Variants in PHIP observed in about 807,000 individuals in gnomAD.
PHIP encodes the protein PH-interacting protein.
A neutral mutation model predicts 236.8 loss-of-function variants in PHIP; 54 were observed. That is an observed-to-expected ratio of 0.23 (90% CI 0.18 to 0.29). PHIP has a LOEUF of 0.29. Among genes scored for constraint, PHIP ranks in the 10% least tolerant of loss-of-function variants. The pLI, the probability that PHIP is intolerant of heterozygous loss-of-function variation, is 1.00. For missense variants in PHIP, 1,370 were observed against 2,190.8 expected, an observed-to-expected ratio of 0.63 and a Z score of 7.48; for synonymous variants, 756 against 718.9, an observed-to-expected ratio of 1.05 and a Z score of -0.83.
intron 6 of PHIP, among the ~76,000 whole-genome samples, chr6:79,059,527 T>C (rs969394238): frequency 6.7e-6 from 1 of 148,426 alleles, no homozygotes; most frequent in Non-Finnish European, 1.5e-5. Context: ...ATTGTATTTT[T>C]AAAAGCCACT....
Position 79,003,717 on chromosome 6 carries a change from C to A in PHIP, c.1653+13G>T. ...AAAAAATAAGGACATGATATATAGT[C>A]ATCATACTCTACCTTGTCATATTTG... On this transcript the variant is annotated intron_variant, in intron 16 of 39. Coordinates refer to ENST00000275034, the MANE Select transcript of PHIP (RefSeq NM_017934.7). 1 of 1,586,512 alleles carries A rather than the reference C, an allele frequency of 6.3e-7. No homozygotes were observed. The highest frequency in any genetic ancestry group is 1.2e-5 in the South Asian group (1 of 86,186).
At position 78,991,852 on chromosome 6, in the gene PHIP, A is replaced by G. The variant is rs557713830; in HGVS notation, c.2202-867T>C. ...GCTTGGATTTAATTTTTTTGTTCTTAATTTTTTTTTTTTAAATTAAACTTT... is the reference window on the plus strand; with the variant it reads ...GCTTGGATTTAATTTTTTTGTTCTTGATTTTTTTTTTTTAAATTAAACTTT... On this transcript the variant is annotated intron_variant, in intron 19 of 39. Coordinates refer to ENST00000275034, the MANE Select transcript of PHIP (RefSeq NM_017934.7). Among the ~76,000 whole-genome samples, 7 of 148,746 alleles carry G rather than the reference A, an allele frequency of 4.7e-5. No individual in the cohort carries two copies. In the South Asian group the frequency reaches 1.5e-3, roughly 31 times the overall value.
In PHIP at chr6:79,014,707, C is replaced by CCAT. The variant is rs537050780; in HGVS notation, c.1524+374_1524+375insATG. On this transcript the variant is annotated intron_variant, in intron 15 of 39. Coordinates refer to ENST00000275034, the MANE Select transcript of PHIP (RefSeq NM_017934.7). Reference sequence around the variant, plus strand: ...AAAATCAGTGTACTTGAGTAAAATTCTATTGTGCTAGAAGACTATTAAACA... The same window carrying CCAT: ...AAAATCAGTGTACTTGAGTAAAATTCCATTATTGTGCTAGAAGACTATTAAACA... Among the ~76,000 whole-genome samples the CCAT allele has an allele frequency of 6.3e-4, 95 of 151,824 alleles. 1 individual carries two copies. In the South Asian group the frequency reaches 8.1e-3, roughly 13 times the overall value.
chr6:79,063,523 T>C (rs926924361), intron 4 of PHIP, among the ~76,000 whole-genome samples: 1 of 152,122 alleles, frequency 6.6e-6, no homozygotes, highest in Non-Finnish European at 1.5e-5. Flanking sequence ...TTCAAGTGAT[T>C]CTCCTGCCTC....
intron 9 of PHIP, among the ~76,000 whole-genome samples, chr6:79,023,600 T>C (rs1301067802): frequency 6.6e-6 from 1 of 151,918 alleles, no homozygotes; most frequent in Non-Finnish European, 1.5e-5. Context: ...TAAATATCTA[T>C]GGTAAAATAT....
chr6:79,008,921 T>C (rs970490177), intron 15 of PHIP, among the ~76,000 whole-genome samples: 1 of 152,192 alleles, frequency 6.6e-6, no homozygotes, highest in Non-Finnish European at 1.5e-5. Flanking sequence ...TAAACCCATT[T>C]ATTAAATCTT....
chr6:78,962,330 A>G (rs970120060), intron 30 of PHIP, among the ~76,000 whole-genome samples: 15 of 152,196 alleles, frequency 9.9e-5, no homozygotes, highest in South Asian at 2.1e-4. Flanking sequence ...AGCAAAAACT[A>G]TAACTAGTTA....
chr6:78,990,705 T>G (rs1769183916), intron 20 of PHIP, among the ~76,000 whole-genome samples, 163 bp downstream of exon 20: 1 of 152,154 alleles, frequency 6.6e-6, no homozygotes, highest in South Asian at 2.1e-4. Flanking sequence ...AATTAAAAAT[T>G]TTAAATAGTA....
chr6:79,008,991 T>C (rs1299620441), intron 15 of PHIP, among the ~76,000 whole-genome samples: 2 of 152,130 alleles, frequency 1.3e-5, no homozygotes, highest in Non-Finnish European at 2.9e-5. Flanking sequence ...AAGTCATTTA[T>C]GTATTTTTTT....
chr6:78,949,393 C>T (rs1351069248), intron 35 of PHIP, among the ~76,000 whole-genome samples: 10 of 152,112 alleles, frequency 6.6e-5, no homozygotes, highest in Admixed American at 5.2e-4. Flanking sequence ...AAGCCACAAT[C>T]AGCTCCTTTT....
chr6:78,946,619 G>A, intron 37 of PHIP, 92 bp downstream of exon 37: 1 of 1,453,290 alleles, frequency 6.9e-7, no homozygotes, highest in East Asian at 2.5e-5. Context: ...TGCAATATAG[G>A]GAATAGTAAA....
At position 78,954,894 on chromosome 6, in the gene PHIP, A is replaced by G; in HGVS notation, c.3973T>C (p.Cys1325Arg). Residue 1325 changes from cysteine to arginine, a missense_variant, in exon 35 of 40, where the codon TGT (cysteine) becomes CGT (arginine). Coordinates refer to ENST00000275034, the MANE Select transcript of PHIP (RefSeq NM_017934.7). ...SYDIQAWKKQ[C>R]EELLNLIFQC... Reference sequence around the variant, plus strand: ...AATATGAGATTTAACAATTCTTCACACTGTTTCTTCCATGCTTGAATATCG... The same window carrying G: ...AATATGAGATTTAACAATTCTTCACGCTGTTTCTTCCATGCTTGAATATCG... 1 of 1,587,752 alleles carries G rather than the reference A, an allele frequency of 6.3e-7. No homozygotes were observed.
chr6:79,052,958 T>C (rs1419976321), intron 6 of PHIP, among the ~76,000 whole-genome samples: 2 of 152,162 alleles, frequency 1.3e-5, no homozygotes, highest in Non-Finnish European at 2.9e-5. Context: ...TGCATACATA[T>C]ACACACAAAA....
At chr6:78,992,821 A>G (rs1582184980) in intron 19 of PHIP, among the ~76,000 whole-genome samples, 1 of 152,180 alleles carries the variant, frequency 6.6e-6, no homozygotes, top group Non-Finnish European at 1.5e-5. Flanking sequence ...GAACAATATT[A>G]AAGTTAGGCC....
chr6:78,989,005 T>C (rs995055787), intron 20 of PHIP, among the ~76,000 whole-genome samples: 6 of 152,120 alleles, frequency 3.9e-5, no homozygotes, highest in African/African-American at 1.4e-4. Context: ...CAGATGAGAA[T>C]ACAACCAATA....
intron 6 of PHIP, among the ~76,000 whole-genome samples, chr6:79,056,915 C>T (rs768343090): frequency 1.3e-5 from 2 of 152,030 alleles, no homozygotes; most frequent in Non-Finnish European, 2.9e-5. Context: ...TGTAGAACTC[C>T]AAGCAAGAAG....
At chr6:79,077,102 G>A (rs1179950768) in intron 4 of PHIP, among the ~76,000 whole-genome samples, 1 of 152,042 alleles carries the variant, frequency 6.6e-6, no homozygotes, top group South Asian at 2.1e-4. Context: ...TCTTCGCGCC[G>A]CTCCCGCCGC....
At chr6:79,074,067 T>C (rs1331397554) in intron 4 of PHIP, among the ~76,000 whole-genome samples, 1 of 152,064 alleles carries the variant, frequency 6.6e-6, no homozygotes, top group Non-Finnish European at 1.5e-5. Flanking sequence ...TTACCTACAG[T>C]TTAACTGTCA....
intron 15 of PHIP, among the ~76,000 whole-genome samples, chr6:79,014,657 T>C (rs1373232472): frequency 6.6e-6 from 1 of 151,832 alleles, no homozygotes; most frequent in Non-Finnish European, 1.5e-5. Flanking sequence ...AAGCAAGAAA[T>C]GCTTGATTCT....
Sources: gnomAD v4.1 joint callset for allele counts (sites outside exome capture counted in the v4.1 genomes callset) on GRCh38, gnomAD v4.1.1 for gene constraint, MANE v1.5 for transcripts, NCBI Gene and HGNC (gene_info 2026-07-23, HGNC 2026-07-21) for gene names.